CCZ1B: variants seen among roughly 807,000 people sequenced by gnomAD.
CCZ1B encodes CCZ1B vacuolar protein trafficking and biogenesis associated, also known as vacuolar fusion protein CCZ1 homolog B.
CCZ1B carries 25 observed loss-of-function variants against 58.8 expected under a neutral mutation model. The ratio of observed to expected loss-of-function variants is 0.43; its 90% CI spans 0.31 to 0.59. CCZ1B has a LOEUF of 0.59. CCZ1B is among the 20% of genes least tolerant of loss of function. The pLI is 0.12. For synonymous variants in CCZ1B, 66 were observed against 173.2 expected, an observed-to-expected ratio of 0.38 and a Z score of 4.86; for missense variants, 180 against 501.5, an observed-to-expected ratio of 0.36 and a Z score of 6.12.
chr7:6,804,200 G>A (rs1302444132), intron 12 of CCZ1B, among the ~76,000 whole-genome samples: 5 of 142,380 alleles, frequency 3.5e-5, no homozygotes, highest in African/African-American at 1.3e-4. Flanking sequence ...TGAGGCAGGT[G>A]GATCACTTGA....
At chr7:6,814,689 GC>G (rs1782970176) in intron 8 of CCZ1B, 74 bp downstream of exon 8, 1 of 1,310,716 alleles carries the variant, frequency 7.6e-7, no homozygotes, top group Non-Finnish European at 1.1e-6. Flanking sequence ...ACACCCCCAT[GC>G]ACCACCATCT....
intron 6 of CCZ1B, among the ~76,000 whole-genome samples, chr7:6,821,126 A>G (rs531124684): frequency 6.7e-6 from 1 of 148,942 alleles, no homozygotes. Flanking sequence ...CTCCTGCCTC[A>G]GCCTCCAGAA....
intron 7 of CCZ1B, among the ~76,000 whole-genome samples, chr7:6,818,652 AGAAAGAAAGACAGAC>A (rs1470297572): frequency 3.3e-4 from 41 of 124,296 alleles, no homozygotes; most frequent in South Asian, 1.3e-3. Context: ...AAAGAAAGAC[AGAAAGAAAGACAGAC>A]AGAAAGAAAG....
At chr7:6,814,736 T>A (rs137998747) in intron 8 of CCZ1B, 28 bp downstream of exon 8, 24 of 1,584,652 alleles carry the variant, frequency 1.5e-5, no homozygotes, top group Non-Finnish European at 2.1e-5. Context: ...CTGCATGTAA[T>A]TGTGTGCAGC....
At chr7:6,817,790 A>ACC (rs1783030250) in intron 7 of CCZ1B, among the ~76,000 whole-genome samples, 10 of 149,690 alleles carry the variant, frequency 6.7e-5, no homozygotes, top group Admixed American at 6.6e-4. Context: ...AGGTGGGCGG[A>ACC]TCCTTTGAGG....
intron 7 of CCZ1B, among the ~76,000 whole-genome samples, chr7:6,816,593 A>C (rs1583554068): frequency 1.3e-5 from 2 of 150,928 alleles, no homozygotes; most frequent in African/African-American, 4.9e-5. Context: ...GAGCCTCATT[A>C]TATTGTCCAG....
At position 6,810,913 on chromosome 7, in the gene CCZ1B, A is replaced by T. The variant is rs1008661847; in HGVS notation, c.954+1039T>A. ...GACCAGAGATGGAGGCTTCACTCTG[A>T]GTGTAGGATGAAGGTCTCAGTTCTG... On this transcript the variant is annotated intron_variant, in intron 10 of 14. Coordinates refer to ENST00000316731, the MANE Select transcript of CCZ1B (RefSeq NM_198097.5). Among the ~76,000 whole-genome samples the T allele has an allele frequency of 1.5e-4, 23 of 150,086 alleles. 1 individual carries two copies. Among genetic ancestry groups the T allele is most frequent in the Non-Finnish European group, 2.4e-4 (16 of 67,846 alleles).
chr7:6,809,879 G>A (rs1047472888), intron 10 of CCZ1B, among the ~76,000 whole-genome samples: 12 of 145,778 alleles, frequency 8.2e-5, no homozygotes, highest in Non-Finnish European at 1.3e-4. Flanking sequence ...TCTCACACAT[G>A]AGAACTACTG....
At chr7:6,814,052 C>A (rs62441809) in intron 8 of CCZ1B, among the ~76,000 whole-genome samples, 1 of 147,934 alleles carries the variant, frequency 6.8e-6, no homozygotes, top group African/African-American at 2.6e-5. Flanking sequence ...AGCCTGAGGC[C>A]GGAGAATTGT....
chr7:6,813,902 T>C lies in CCZ1B; in HGVS notation c.780+862A>G, dbSNP rs1483744555. On this transcript the variant is annotated intron_variant, in intron 8 of 14. Transcript: ENST00000316731. ...AGCTCACGCCTGTAATCCCAGCACT[T>C]TGGGAAGCTGACGCAGGTCAATCAC... Among the ~76,000 whole-genome samples the C allele has an allele frequency of 2.7e-5, 4 of 149,252 alleles. 1 individual carries two copies. The highest frequency in any genetic ancestry group is 5.1e-5 in the African/African-American group (2 of 39,464).
intron 12 of CCZ1B, among the ~76,000 whole-genome samples, chr7:6,804,059 G>A (rs1782800193): frequency 6.6e-6 from 1 of 150,510 alleles, no homozygotes; most frequent in Non-Finnish European, 1.5e-5. Flanking sequence ...CCATTTAAAA[G>A]CAGGACTTCA....
intron 8 of CCZ1B, among the ~76,000 whole-genome samples, chr7:6,813,944 G>A (rs1156572675): frequency 4.7e-5 from 7 of 148,644 alleles, no homozygotes; most frequent in Non-Finnish European, 1.0e-4. Context: ...TCAGGAGTTC[G>A]AGACCAGCCT....
intron 4 of CCZ1B, 110 bp downstream of exon 4, chr7:6,823,979 G>A (rs924011757): frequency 2.5e-5 from 16 of 634,986 alleles, no homozygotes; most frequent in South Asian, 1.1e-4. Flanking sequence ...TATATACCCC[G>A]AGAAACTTCT....
chr7:6,800,765 G>GC (rs1782755240), intron 14 of CCZ1B, among the ~76,000 whole-genome samples, 183 bp downstream of exon 14: 1 of 133,840 alleles, frequency 7.5e-6, no homozygotes, highest in South Asian at 2.8e-4. Context: ...AGTTTCCTGT[G>GC]CTACAGGAAG....
At chr7:6,819,639 A>G (rs942790713) in intron 7 of CCZ1B, 127 bp downstream of exon 7, 2 of 603,876 alleles carry the variant, frequency 3.3e-6, no homozygotes, top group East Asian at 2.8e-5. Context: ...GACAATATCT[A>G]TGAAGATGCT....
intron 4 of CCZ1B, 152 bp from the exon 5 acceptor site, chr7:6,823,512 G>GTTT (rs1562433408): frequency 1.4e-5 from 11 of 777,020 alleles, no homozygotes; most frequent in East Asian, 1.3e-4. Context: ...AAGTGTTTGC[G>GTTT]TTCTTTTTTT....
In CCZ1B at chr7:6,818,629, AAAGAC is replaced by A. The variant is rs749617668; in HGVS notation, c.698+1132_698+1136del. ...AAAGAAAGAAAGACAAGAAAGAAAGAAAGACAAGAAAGAAAGAAAGACAGAAAGAA... is the reference window on the plus strand; with the variant it reads ...AAAGAAAGAAAGACAAGAAAGAAAGAAAGAAAGAAAGAAAGACAGAAAGAA... On this transcript the variant is annotated intron_variant, in intron 7 of 14. Coordinates refer to ENST00000316731, the MANE Select transcript of CCZ1B (RefSeq NM_198097.5). Among the ~76,000 whole-genome samples the A allele has an allele frequency of 3.1e-3, 446 of 142,582 alleles. 32 individuals are homozygous for A. The highest frequency in any genetic ancestry group is 5.5e-3 in the Non-Finnish European group (368 of 66,656). The allele number at this position is 142,582 out of a possible 152,430, so 93.5% of individuals were successfully genotyped here.
rs2711222 is a variant in CCZ1B, at chr7:6,822,111, C to T, written c.522+170G>A. 3.4e-5 allele frequency among the ~76,000 whole-genome samples: 5 copies of T among 147,320 alleles called. 1 individual carries two copies. Among genetic ancestry groups the T allele is most frequent in the African/African-American group, 1.0e-4 (4 of 38,370 alleles). On this transcript the variant is annotated intron_variant, in intron 6 of 14. Transcript: ENST00000316731. Reference sequence around the variant, plus strand: ...GCTGGAGGGAAGGTTCCAGAGCACACGCCTCATGCGTTTCCTCGCTGCTCC... The same window carrying T: ...GCTGGAGGGAAGGTTCCAGAGCACATGCCTCATGCGTTTCCTCGCTGCTCC...
At position 6,816,484 on chromosome 7, in the gene CCZ1B, C is replaced by CAA. The variant is rs558239516; in HGVS notation, c.699-1641_699-1640dup. 2.8e-4 allele frequency among the ~76,000 whole-genome samples: 31 copies of CAA among 111,502 alleles called. 1 individual carries two copies. The South Asian group carries it at 4.3e-3, about 16-fold the overall frequency. The allele number at this position is 111,502 out of a possible 152,430, so 73.1% of individuals were successfully genotyped here. ...CAACCAAGCAAATGAGACTCAGTCTCAAAAAAAAAAAATCAAAGCAATATA... is the reference window on the plus strand; with the variant it reads ...CAACCAAGCAAATGAGACTCAGTCTCAAAAAAAAAAAAAATCAAAGCAATATA... On this transcript the variant is annotated intron_variant, in intron 7 of 14. Transcript: ENST00000316731.
Sources: allele counts gnomAD v4.1 joint callset (sites outside exome capture counted in the v4.1 genomes callset), GRCh38; gene constraint gnomAD v4.1.1; transcripts MANE v1.5; gene names NCBI Gene and HGNC (gene_info 2026-07-23, HGNC 2026-07-21).